Variants in AFG2A observed in about 807,000 individuals in gnomAD.
AFG2A encodes the protein AAA ATPase AFG2A.
the AFG2A span, among the ~76,000 whole-genome samples, chr4:123,059,551 CATT>C: frequency 1.3e-5 from 2 of 151,824 alleles, no homozygotes; most frequent in Admixed American, 6.6e-5. Context: ...TCCTGTCTAT[CATT>C]GTTGGACATT....
chr4:122,956,831 A>C, the AFG2A span, among the ~76,000 whole-genome samples: 1 of 152,332 alleles, frequency 6.6e-6, no homozygotes, highest in African/African-American at 2.4e-5. Flanking sequence ...TGTATTATGT[A>C]GTATCATTTT....
the AFG2A span, among the ~76,000 whole-genome samples, chr4:123,125,954 T>A: frequency 6.6e-6 from 1 of 152,210 alleles, no homozygotes; most frequent in African/African-American, 2.4e-5. Flanking sequence ...CATTTCATAT[T>A]CATTCTGTTT....
At chr4:123,291,878 G>C in the AFG2A span, among the ~76,000 whole-genome samples, 1 of 152,172 alleles carries the variant, frequency 6.6e-6, no homozygotes. Context: ...AATCTCCTAG[G>C]AGTTCTTTGA....
At chr4:123,274,284 C>T in the AFG2A span, among the ~76,000 whole-genome samples, 1 of 151,988 alleles carries the variant, frequency 6.6e-6, no homozygotes, top group Non-Finnish European at 1.5e-5. Flanking sequence ...GCCTGGCCCC[C>T]AGTTTGCACT....
chr4:123,185,128 T>C, the AFG2A span, among the ~76,000 whole-genome samples: 1 of 152,166 alleles, frequency 6.6e-6, no homozygotes, highest in Non-Finnish European at 1.5e-5. Flanking sequence ...ATGAAGTTGG[T>C]TGATGGCTCT....
chr4:123,314,063 G>A, the AFG2A span: 2 of 1,542,396 alleles, frequency 1.3e-6, no homozygotes, highest in South Asian at 1.3e-5. Flanking sequence ...CATACACTCT[G>A]AGAAAATATA....
chr4:123,180,851 A>C, the AFG2A span, among the ~76,000 whole-genome samples: 1 of 152,036 alleles, frequency 6.6e-6, no homozygotes, highest in Non-Finnish European at 1.5e-5. Flanking sequence ...TTTTTTGATA[A>C]AACAAGGGTC....
chr4:123,194,661 G>T, the AFG2A span, among the ~76,000 whole-genome samples: 1 of 152,050 alleles, frequency 6.6e-6, no homozygotes, highest in African/African-American at 2.4e-5. Context: ...TCAGAATTTT[G>T]GTTGCATTTC....
chr4:123,151,721 C>T, the AFG2A span, among the ~76,000 whole-genome samples: 5 of 152,092 alleles, frequency 3.3e-5, no homozygotes, highest in South Asian at 2.1e-4. Context: ...GACAGTGTGG[C>T]GATTCCTCAA....
chr4:123,002,941 C>T, the AFG2A span, among the ~76,000 whole-genome samples: 1 of 152,186 alleles, frequency 6.6e-6, no homozygotes, highest in African/African-American at 2.4e-5. Flanking sequence ...TTCAGGTACA[C>T]CAATCAGATG....
chr4:123,310,083 G>A, the AFG2A span, among the ~76,000 whole-genome samples: 7,212 of 152,232 alleles, frequency 0.047, 553 homozygotes, highest in African/African-American at 0.16. Flanking sequence ...CTTTTTATTC[G>A]CGGTAGGAGA....
At chr4:122,937,511 A>G in the AFG2A span, among the ~76,000 whole-genome samples, 1 of 152,016 alleles carries the variant, frequency 6.6e-6, no homozygotes, top group Non-Finnish European at 1.5e-5. Flanking sequence ...AAAACCCACC[A>G]TTTTTGAAGT....
chr4:122,951,464 G>T, the AFG2A span, among the ~76,000 whole-genome samples: 2 of 111,810 alleles, frequency 1.8e-5, no homozygotes, highest in African/African-American at 5.8e-5. Context: ...ACACACGCAC[G>T]CACACACATG....
At chr4:122,929,258 C>T in the AFG2A span, 1 of 1,465,056 alleles carries the variant, frequency 6.8e-7, no homozygotes, top group Non-Finnish European at 9.0e-7. Context: ...ATATAAGAGT[C>T]ACAAATGTAA....
chr4:123,256,819 C>T, the AFG2A span: 2 of 983,780 alleles, frequency 2.0e-6, no homozygotes, highest in Non-Finnish European at 2.4e-6. Context: ...TTTTTCTCTC[C>T]TTACCAACTC....
the AFG2A span, among the ~76,000 whole-genome samples, chr4:123,303,188 G>A: frequency 6.6e-6 from 1 of 152,146 alleles, no homozygotes; most frequent in Non-Finnish European, 1.5e-5. Flanking sequence ...GCAAATGCTA[G>A]AACAATGAAA....
the AFG2A span, among the ~76,000 whole-genome samples, chr4:123,199,029 T>G: frequency 7.0e-3 from 1,064 of 152,294 alleles, 4 homozygotes; most frequent in Middle Eastern, 0.044. Context: ...AGGAGTGGTC[T>G]CTTGAGCCCA....
the AFG2A span, among the ~76,000 whole-genome samples, chr4:123,227,979 C>A: frequency 2.0e-5 from 3 of 152,036 alleles, no homozygotes; most frequent in Non-Finnish European, 4.4e-5. Flanking sequence ...CCTTCTTTGT[C>A]TCTTTTGATC....
chr4:122,979,375 G>A, the AFG2A span: 1 of 1,613,990 alleles, frequency 6.2e-7, no homozygotes. Context: ...AATAGCAATT[G>A]ATGTCCCAAA....
Sources: allele counts gnomAD v4.1 joint callset (sites outside exome capture counted in the v4.1 genomes callset), GRCh38; gene constraint gnomAD v4.1.1; transcripts MANE v1.5; gene names NCBI Gene and HGNC (gene_info 2026-07-23, HGNC 2026-07-21).